CCSER1: variants seen among roughly 807,000 people sequenced by gnomAD.
CCSER1 encodes the protein serine-rich coiled-coil domain-containing protein 1.
In CCSER1, 41 loss-of-function variants were observed where a neutral mutation model predicts 82.0. The ratio of observed to expected loss-of-function variants is 0.50; its 90% CI spans 0.39 to 0.65. The LOEUF is 0.65. Among genes scored for constraint, CCSER1 ranks in the 30% least tolerant of loss-of-function variants. CCSER1 has a pLI of 0.00. For missense variants in CCSER1, 1,119 were observed against 1,064.2 expected, an observed-to-expected ratio of 1.05 and a Z score of -0.72; for synonymous variants, 414 against 383.9, an observed-to-expected ratio of 1.08 and a Z score of -0.92.
At chr4:90,393,993 T>G (rs762746659) in intron 3 of CCSER1, among the ~76,000 whole-genome samples, 3 of 151,546 alleles carry the variant, frequency 2.0e-5, no homozygotes. Context: ...TTGCCCAGGA[T>G]GGTCTTAAAT....
At chr4:90,332,473 T>C (rs1739489999) in intron 3 of CCSER1, among the ~76,000 whole-genome samples, 1 of 152,076 alleles carries the variant, frequency 6.6e-6, no homozygotes, top group African/African-American at 2.4e-5. Context: ...TGAACTCAGG[T>C]GATCCACCTG....
At chr4:90,378,117 A>G (rs1306872272) in intron 3 of CCSER1, among the ~76,000 whole-genome samples, 1 of 152,094 alleles carries the variant, frequency 6.6e-6, no homozygotes, top group Non-Finnish European at 1.5e-5. Flanking sequence ...TCTTTATGGC[A>G]TTGTTTAGAA....
At chr4:90,821,617 C>A (rs1276651768) in intron 8 of CCSER1, among the ~76,000 whole-genome samples, 1 of 151,540 alleles carries the variant, frequency 6.6e-6, no homozygotes, top group Non-Finnish European at 1.5e-5. Context: ...AGATTTAGAC[C>A]AAAAGTCTAA....
At chr4:90,985,521 A>G (rs529783399) in intron 9 of CCSER1, among the ~76,000 whole-genome samples, 3 of 151,920 alleles carry the variant, frequency 2.0e-5, no homozygotes, top group African/African-American at 7.2e-5. Flanking sequence ...TTCAACACCA[A>G]TATAATAATG....
intron 7 of CCSER1, chr4:90,781,284 C>T (rs1258637112): frequency 2.0e-6 from 2 of 985,076 alleles, no homozygotes; most frequent in Non-Finnish European, 2.4e-6. Flanking sequence ...TTATTCTCTA[C>T]AGAAACAGAC....
chr4:90,404,936 T>A (rs977246848), intron 4 of CCSER1, among the ~76,000 whole-genome samples: 2 of 152,082 alleles, frequency 1.3e-5, no homozygotes, highest in Non-Finnish European at 2.9e-5. Context: ...ACAATTCTAG[T>A]AATATGAAAA....
chr4:91,232,271 A>G (rs550430817), intron 10 of CCSER1, among the ~76,000 whole-genome samples: 2 of 151,882 alleles, frequency 1.3e-5, no homozygotes, highest in African/African-American at 2.4e-5. Flanking sequence ...ATGTATATAT[A>G]AGAATATTCA....
At chr4:91,285,794 C>A (rs1488255178) in intron 10 of CCSER1, among the ~76,000 whole-genome samples, 2 of 151,612 alleles carry the variant, frequency 1.3e-5, no homozygotes, top group Non-Finnish European at 3.0e-5. Flanking sequence ...GAAGAATCTC[C>A]TTGAGTATTT....
chr4:90,718,803 T>C (rs1358040319), intron 6 of CCSER1, among the ~76,000 whole-genome samples: 1 of 152,144 alleles, frequency 6.6e-6, no homozygotes, highest in African/African-American at 2.4e-5. Flanking sequence ...TGGGGAATAG[T>C]TTTATATTTA....
chr4:90,150,621 T>A (rs1486011205), intron 1 of CCSER1, among the ~76,000 whole-genome samples: 2 of 152,188 alleles, frequency 1.3e-5, no homozygotes, highest in Non-Finnish European at 2.9e-5. Flanking sequence ...ATCAATGTCC[T>A]AAATGTAATA....
chr4:91,417,919 C>A (rs1038246826), intron 10 of CCSER1, among the ~76,000 whole-genome samples: 2 of 152,048 alleles, frequency 1.3e-5, no homozygotes, highest in Non-Finnish European at 2.9e-5. Flanking sequence ...CAAATCCTAA[C>A]AAATTTAAGA....
intron 9 of CCSER1, among the ~76,000 whole-genome samples, chr4:90,941,078 T>G (rs942407107): frequency 6.6e-6 from 1 of 152,120 alleles, no homozygotes; most frequent in Admixed American, 6.5e-5. Context: ...ACACTTACTA[T>G]GTGAATGCTA....
intron 6 of CCSER1, among the ~76,000 whole-genome samples, chr4:90,670,863 C>T (rs1224316528): frequency 6.6e-6 from 1 of 151,952 alleles, no homozygotes; most frequent in Non-Finnish European, 1.5e-5. Context: ...GGGCAAGAGT[C>T]AAGTATACCA....
Position 90,616,720 on chromosome 4 carries a change from CACACACACACACACACACAAATAAAAT to C in CCSER1, c.1725-11303_1725-11277del, listed in dbSNP as rs1490492125. Among the ~76,000 whole-genome samples, 6 of 120,320 alleles carry C rather than the reference CACACACACACACACACACAAATAAAAT, an allele frequency of 5.0e-5. 1 individual carries two copies. The highest frequency in any genetic ancestry group is 2.4e-4 in the African/African-American group (6 of 25,456). The allele number at this position is 120,320 out of a possible 152,430, so 78.9% of individuals were successfully genotyped here. On this transcript the variant is annotated intron_variant, in intron 5 of 10. Transcript: ENST00000509176. ...ACACACACACACACACACACACACACACACACACACACACACACAAATAAAATAAAATAAAAGGGAGAGAGAGAAAAA... is the reference window on the plus strand; with the variant it reads ...ACACACACACACACACACACACACACAAAATAAAAGGGAGAGAGAGAAAAA...
intron 6 of CCSER1, among the ~76,000 whole-genome samples, chr4:90,700,982 G>A (rs1737978653): frequency 1.3e-5 from 2 of 152,102 alleles, no homozygotes; most frequent in Non-Finnish European, 2.9e-5. Flanking sequence ...AAGCTCTTTA[G>A]TTTAGTTAGA....
chr4:91,296,449 T>TTATATATATATA (rs72475346), intron 10 of CCSER1, among the ~76,000 whole-genome samples: 68 of 94,064 alleles, frequency 7.2e-4, no homozygotes, highest in African/African-American at 3.2e-3. Context: ...GTGTCTAACA[T>TTATATATATATA]TATATATATA....
At chr4:91,548,622 G>C (rs1253278274) in intron 10 of CCSER1, among the ~76,000 whole-genome samples, 1 of 151,032 alleles carries the variant, frequency 6.6e-6, no homozygotes, top group Non-Finnish European at 1.5e-5. Flanking sequence ...ATTTCTCATG[G>C]TATGTAATTC....
chr4:90,714,212 A>G (rs1741207312), intron 6 of CCSER1, among the ~76,000 whole-genome samples: 1 of 151,948 alleles, frequency 6.6e-6, no homozygotes, highest in South Asian at 2.1e-4. Flanking sequence ...TTGTCTTTGA[A>G]TAGTTGGAAT....
At chr4:90,933,251 G>A (rs1180464370) in intron 9 of CCSER1, among the ~76,000 whole-genome samples, 1 of 149,992 alleles carries the variant, frequency 6.7e-6, no homozygotes, top group Non-Finnish European at 1.5e-5. Context: ...GCGGAGGCGC[G>A]GTCTCGGCTC....
Sources: gnomAD v4.1 joint callset for allele counts (sites outside exome capture counted in the v4.1 genomes callset) on GRCh38, gnomAD v4.1.1 for gene constraint, MANE v1.5 for transcripts, NCBI Gene and HGNC (gene_info 2026-07-23, HGNC 2026-07-21) for gene names.